AGBL1: variants seen among roughly 807,000 people sequenced by gnomAD.
AGBL1 encodes AGBL carboxypeptidase 1, also known as cytosolic carboxypeptidase 4.
AGBL1 carries 130 observed loss-of-function variants against 118.9 expected under a neutral mutation model. The observed-to-expected ratio is 1.09, with a 90% confidence interval of 0.95 to 1.26. The LOEUF is 1.26. AGBL1 is among the 50% of genes most tolerant of loss of function. The probability of loss-of-function intolerance (pLI) is 0.00; values close to 1 mark genes in which losing one functional copy is unlikely to be tolerated. For synonymous variants in AGBL1, 555 were observed against 478.9 expected (o/e 1.16, Z -2.08); for missense variants, 1,584 against 1,298.1 (o/e 1.22, Z -3.38).
Position 86,326,834 on chromosome 15 carries a change from A to G in AGBL1, c.2374+31426A>G, listed in dbSNP as rs561947486. The stretch of plus-strand genomic sequence containing the variant: ...ACTGATGAAGTATCTGAAAGAAGCT[A>G]GAAGGGGGTCAGAATAGATTAGTCA... On this transcript the variant is annotated intron_variant, in intron 17 of 22. Coordinates refer to ENST00000614907, the MANE Select transcript of AGBL1 (RefSeq NM_001386094.1). 2.6e-5 allele frequency among the ~76,000 whole-genome samples: 4 copies of G among 152,310 alleles called. No homozygotes were observed. The East Asian group carries it at 7.7e-4, about 29-fold the overall frequency.
At chr15:86,142,855 C>G (rs1464584738) in intron 2 of AGBL1, among the ~76,000 whole-genome samples, 1 of 152,174 alleles carries the variant, frequency 6.6e-6, no homozygotes, top group Non-Finnish European at 1.5e-5. Context: ...ACTCTTAAGA[C>G]AAAACCTTGA....
intron 5 of AGBL1, among the ~76,000 whole-genome samples, chr15:86,192,867 A>G (rs117850594): frequency 0.013 from 1,974 of 152,300 alleles, 27 homozygotes; most frequent in East Asian, 0.074. Context: ...GATCATGACT[A>G]TATGGAAATA....
intron 5 of AGBL1, among the ~76,000 whole-genome samples, chr15:86,193,700 G>A (rs200754466): frequency 1.3e-5 from 2 of 152,198 alleles, no homozygotes; most frequent in Admixed American, 6.5e-5. Context: ...GAGAAGACCA[G>A]TGTGTAGAGA....
chr15:86,801,310 C>CATCTATCT (rs10629012), intron 22 of AGBL1, among the ~76,000 whole-genome samples: 49,032 of 147,074 alleles, frequency 0.33, 8,272 homozygotes, highest in South Asian at 0.38. Flanking sequence ...TTGATGATTA[C>CATCTATCT]ATCTATCTAT....
chr15:86,998,588 C>A (rs1486706367), intron 24 of AGBL1, among the ~76,000 whole-genome samples: 2 of 152,156 alleles, frequency 1.3e-5, no homozygotes, highest in African/African-American at 4.8e-5. Context: ...ATAATCACAC[C>A]TTATTTTCTC....
chr15:86,644,414 C>CTCACAAAA (rs1366200546), intron 21 of AGBL1, among the ~76,000 whole-genome samples: 1 of 152,106 alleles, frequency 6.6e-6, no homozygotes, highest in Non-Finnish European at 1.5e-5. Flanking sequence ...TGAGCACACA[C>CTCACAAAA]TCACAAAATC....
intron 17 of AGBL1, among the ~76,000 whole-genome samples, chr15:86,383,961 T>C (rs2081147267): frequency 1.3e-5 from 2 of 152,256 alleles, no homozygotes; most frequent in African/African-American, 4.8e-5. Context: ...AAGATTGTTA[T>C]CTCTTAGTGC....
Position 86,556,891 on chromosome 15 carries a change from A to T in AGBL1, c.2994+2354A>T, listed in dbSNP as rs573005513. On this transcript the variant is annotated intron_variant, in intron 21 of 22. Transcript: ENST00000614907. ...TCTCTGGTTAATGCAGCTTTAAAGT[A>T]GTTCCAATCATTTCTCCCCCAGCAC... Among the ~76,000 whole-genome samples, 214 of 152,306 alleles carry T rather than the reference A, an allele frequency of 1.4e-3. 6 individuals are homozygous for T. The South Asian group carries it at 0.043, about 31-fold the overall frequency.
chr15:86,472,515 T>A (rs2082492141), intron 18 of AGBL1, among the ~76,000 whole-genome samples: 1 of 152,240 alleles, frequency 6.6e-6, no homozygotes, highest in Non-Finnish European at 1.5e-5. Flanking sequence ...TTACAGGTAA[T>A]GCAAAGAGAC....
At chr15:86,793,277 C>T (rs556947688) in intron 22 of AGBL1, among the ~76,000 whole-genome samples, 1 of 152,148 alleles carries the variant, frequency 6.6e-6, no homozygotes, top group African/African-American at 2.4e-5. Context: ...GGAAGACTGG[C>T]ATAACTCTAG....
At chr15:86,661,808 CG>C (rs1399123432) in intron 21 of AGBL1, among the ~76,000 whole-genome samples, 1 of 152,112 alleles carries the variant, frequency 6.6e-6, no homozygotes, top group Non-Finnish European at 1.5e-5. Context: ...AAGTCACTCT[CG>C]TCGCTCTGAG....
chr15:86,669,348 ATG>A (rs1229955432), intron 21 of AGBL1, among the ~76,000 whole-genome samples: 3 of 152,170 alleles, frequency 2.0e-5, no homozygotes, highest in Admixed American at 6.5e-5. Context: ...GAACAAAAAT[ATG>A]AAAAAAATCA....
At chr15:86,350,762 A>G (rs2080613089) in intron 17 of AGBL1, among the ~76,000 whole-genome samples, 1 of 152,212 alleles carries the variant, frequency 6.6e-6, no homozygotes, top group Non-Finnish European at 1.5e-5. Flanking sequence ...ACGTCAGGAT[A>G]TTACATGGTA....
At chr15:86,550,716 A>G (rs577003783) in intron 20 of AGBL1, among the ~76,000 whole-genome samples, 3 of 152,196 alleles carry the variant, frequency 2.0e-5, no homozygotes, top group African/African-American at 7.2e-5. Context: ...CAAAAAGAAA[A>G]TTAGTATGGA....
At position 86,212,007 on chromosome 15, in the gene AGBL1, G is replaced by C. The variant is rs542233077; in HGVS notation, c.489-12907G>C. ...TGTTGAGTTTTAAGAGTTGTCTCCT[G>C]GAATTCTTGTTTATTTTCTCTTTAA... On this transcript the variant is annotated intron_variant, in intron 5 of 22. Transcript: ENST00000614907. Among the ~76,000 whole-genome samples, 59 of 152,178 alleles carry C rather than the reference G, an allele frequency of 3.9e-4. 2 individuals are homozygous for C. The highest frequency in any genetic ancestry group is 1.8e-3 in the Admixed American group (28 of 15,282).
chr15:86,777,194 G>A lies in AGBL1; in HGVS notation c.3158+102758G>A, dbSNP rs201446698. Among the ~76,000 whole-genome samples the A allele has an allele frequency of 7.2e-5, 11 of 152,132 alleles. No individual in the cohort carries two copies. The East Asian group carries it at 2.1e-3, about 29-fold the overall frequency. ...ATGTGCCAAACTCTCATATACATGA[G>A]GGGGTTGTTTCTTTTTTCCATGTTA... is the stretch of plus-strand genomic sequence containing the variant. On this transcript the variant is annotated intron_variant, in intron 22 of 22. Transcript: ENST00000614907.
chr15:86,772,356 T>C (rs1476877716), intron 22 of AGBL1, among the ~76,000 whole-genome samples: 1 of 152,066 alleles, frequency 6.6e-6, no homozygotes, highest in Non-Finnish European at 1.5e-5. Context: ...TGTTTCTGTG[T>C]GGGAAACCTA....
At chr15:86,222,078 T>C (rs1409268374) in intron 5 of AGBL1, among the ~76,000 whole-genome samples, 1 of 152,174 alleles carries the variant, frequency 6.6e-6, no homozygotes, top group Non-Finnish European at 1.5e-5. Context: ...CTTTAGGGGT[T>C]TCCTATCCTC....
intron 22 of AGBL1, among the ~76,000 whole-genome samples, chr15:86,713,140 G>A (rs965562615): frequency 1.3e-5 from 2 of 152,046 alleles, no homozygotes; most frequent in African/African-American, 4.8e-5. Context: ...TCTTATTTTT[G>A]CCCTTTCCCT....
Sources: gnomAD v4.1 joint callset for allele counts (sites outside exome capture counted in the v4.1 genomes callset) on GRCh38, gnomAD v4.1.1 for gene constraint, MANE v1.5 for transcripts, NCBI Gene and HGNC (gene_info 2026-07-23, HGNC 2026-07-21) for gene names.